Variants in DSCAM observed in about 807,000 individuals in gnomAD.
DSCAM encodes the protein cell adhesion molecule DSCAM.
DSCAM carries 47 observed loss-of-function variants against 217.7 expected under a neutral mutation model. The ratio of observed to expected loss-of-function variants is 0.22; its 90% CI spans 0.17 to 0.28. The LOEUF (loss-of-function observed/expected upper bound fraction) is 0.28. DSCAM is among the 10% of genes least tolerant of loss of function. DSCAM has a pLI of 1.00. For synonymous variants in DSCAM, 1,056 were observed against 1,015.3 expected (o/e 1.04, Z -0.76); for missense variants, 2,080 against 2,618.3 (o/e 0.79, Z 4.49).
chr21:40,287,871 C>T (rs896990577), intron 10 of DSCAM, among the ~76,000 whole-genome samples: 1 of 152,110 alleles, frequency 6.6e-6, no homozygotes, highest in Non-Finnish European at 1.5e-5. Context: ...CCTGTGTGTG[C>T]ACCAAATAAT....
At chr21:40,807,083 A>G (rs1056165759) in intron 1 of DSCAM, among the ~76,000 whole-genome samples, 1 of 150,688 alleles carries the variant, frequency 6.6e-6, no homozygotes, top group African/African-American at 2.5e-5. Context: ...CGTTCTGCAC[A>G]TGTATCCCAG....
chr21:40,228,628 C>A (rs2146918400), intron 11 of DSCAM, among the ~76,000 whole-genome samples: 1 of 150,520 alleles, frequency 6.6e-6, no homozygotes, highest in East Asian at 2.0e-4. Context: ...CTTTCTTTCC[C>A]CCTCCACCTC....
At position 40,731,253 on chromosome 21, in the gene DSCAM, A is replaced by T. The variant is rs376642699; in HGVS notation, c.44-22482T>A. 8.5e-5 allele frequency among the ~76,000 whole-genome samples: 13 copies of T among 152,344 alleles called. No homozygotes were observed. In the East Asian group the frequency reaches 2.3e-3, roughly 27 times the overall value. ...TTTAATGTTTTCATTAGTCACTTAA[A>T]CACAGGTAGTATGATAGGAGTGATA... is the stretch of plus-strand genomic sequence containing the variant. On this transcript the variant is annotated intron_variant, in intron 1 of 32. Transcript: ENST00000400454.
chr21:40,354,477 C>T (rs1170630442), intron 4 of DSCAM, among the ~76,000 whole-genome samples: 1 of 152,074 alleles, frequency 6.6e-6, no homozygotes, highest in Non-Finnish European at 1.5e-5. Flanking sequence ...AAGTGATCCT[C>T]CTGCCTGGGC....
At chr21:40,437,773 C>T (rs2075596368) in intron 3 of DSCAM, among the ~76,000 whole-genome samples, 1 of 152,130 alleles carries the variant, frequency 6.6e-6, no homozygotes, top group Non-Finnish European at 1.5e-5. Context: ...TTACTGGAAC[C>T]TGGGAGGCAG....
At chr21:40,052,898 C>G (rs912308247) in intron 29 of DSCAM, among the ~76,000 whole-genome samples, 2 of 152,122 alleles carry the variant, frequency 1.3e-5, no homozygotes, top group African/African-American at 4.8e-5. Flanking sequence ...ATTTGGTGGG[C>G]CAGGATTCTC....
At position 40,679,532 on chromosome 21, in the gene DSCAM, G is replaced by A. The variant is rs554903089; in HGVS notation, c.508+13278C>T. 2.0e-5 allele frequency among the ~76,000 whole-genome samples: 3 copies of A among 152,268 alleles called. No homozygotes were observed. In the East Asian group the frequency reaches 5.8e-4, roughly 29 times the overall value. Reference sequence around the variant, plus strand: ...AATGGGGTTGTCGAGAAGTTTTTAGGTATAACCTGACATGTGCATGCCATA... The same window carrying A: ...AATGGGGTTGTCGAGAAGTTTTTAGATATAACCTGACATGTGCATGCCATA... On this transcript the variant is annotated intron_variant, in intron 3 of 32. Coordinates refer to ENST00000400454, the MANE Select transcript of DSCAM (RefSeq NM_001389.5).
rs1252993421 is a variant in DSCAM at position 40,338,359 on chromosome 21, G to A, written c.1525C>T (p.Pro509Ser). The A allele has an allele frequency of 2.5e-6, 4 of 1,613,338 alleles. No homozygotes were observed. Among genetic ancestry groups the A allele is most frequent in the Non-Finnish European group, 3.4e-6 (4 of 1,179,276 alleles). ...GCTATTGCTGTGATGTTTTTCATTG[G>A]TCGAATGCTTGCAGGCCCTGGAGAG... Reference protein sequence around the residue: ...INVRGPASIRPMKNITAIAGR... With the variant: ...INVRGPASIRSMKNITAIAGR... Residue 509 changes from proline (P) to serine (S), a missense_variant, in exon 8 of 33, where the codon CCA (proline) becomes TCA (serine). Pro to Ser is a moderately conservative substitution (Grantham distance 74, BLOSUM62 -1). Transcript: ENST00000400454.
chr21:40,743,223 G>C (rs1325141114), intron 1 of DSCAM, among the ~76,000 whole-genome samples: 3 of 152,150 alleles, frequency 2.0e-5, no homozygotes, highest in Admixed American at 2.0e-4. Flanking sequence ...TCCCACAAAT[G>C]AATGCAGCAG....
At chr21:40,429,773 T>C (rs953574451) in intron 3 of DSCAM, among the ~76,000 whole-genome samples, 1 of 152,218 alleles carries the variant, frequency 6.6e-6, no homozygotes, top group Non-Finnish European at 1.5e-5. Flanking sequence ...TGCTGGCTAT[T>C]ATTAAGTACT....
chr21:40,387,303 TAC>T (rs1408725512), intron 3 of DSCAM, among the ~76,000 whole-genome samples: 1 of 149,580 alleles, frequency 6.7e-6, no homozygotes, highest in African/African-American at 2.6e-5. Flanking sequence ...CTGTTAGTCC[TAC>T]ACAAGTCCTA....
chr21:40,301,368 A>G (rs1470551992), intron 9 of DSCAM, among the ~76,000 whole-genome samples: 1 of 152,186 alleles, frequency 6.6e-6, no homozygotes, highest in East Asian at 1.9e-4. Flanking sequence ...GCATTCTGTG[A>G]CATTCTCCTC....
At chr21:40,620,614 G>A (rs1399997414) in intron 3 of DSCAM, among the ~76,000 whole-genome samples, 1 of 152,122 alleles carries the variant, frequency 6.6e-6, no homozygotes, top group African/African-American at 2.4e-5. Context: ...GAGGGAGGCA[G>A]GCAATACCAA....
intron 3 of DSCAM, among the ~76,000 whole-genome samples, chr21:40,540,562 A>G (rs569068979): frequency 6.6e-6 from 1 of 152,310 alleles, no homozygotes; most frequent in Non-Finnish European, 1.5e-5. Flanking sequence ...AAGCTTAGTG[A>G]AGGAGGCAAC....
intron 27 of DSCAM, among the ~76,000 whole-genome samples, chr21:40,071,084 A>G (rs910522859): frequency 3.9e-5 from 6 of 152,172 alleles, no homozygotes; most frequent in African/African-American, 1.4e-4. Context: ...GTACCAAAGG[A>G]GGAGGCTTTT....
intron 11 of DSCAM, among the ~76,000 whole-genome samples, chr21:40,205,629 T>C (rs2091116378): frequency 6.7e-6 from 1 of 150,064 alleles, no homozygotes; most frequent in Non-Finnish European, 1.5e-5. Context: ...AAAAGTGTTC[T>C]CTTGAACACA....
chr21:40,844,110 C>G (rs1012410428), intron 1 of DSCAM, among the ~76,000 whole-genome samples: 8 of 152,128 alleles, frequency 5.3e-5, no homozygotes, highest in African/African-American at 1.9e-4. Flanking sequence ...CAAAATATGA[C>G]AGTTGTTGAC....
intron 3 of DSCAM, among the ~76,000 whole-genome samples, chr21:40,679,260 C>T (rs2090374286): frequency 2.0e-5 from 3 of 152,236 alleles, no homozygotes; most frequent in Admixed American, 1.3e-4. Context: ...ATTCAAGATT[C>T]ACTCCATAAA....
intron 3 of DSCAM, among the ~76,000 whole-genome samples, chr21:40,619,283 A>G (rs2089447834): frequency 6.6e-6 from 1 of 152,182 alleles, no homozygotes; most frequent in Non-Finnish European, 1.5e-5. Context: ...AAATAAGAAT[A>G]AAATATACAC....
Sources: gnomAD v4.1 joint callset for allele counts (sites outside exome capture counted in the v4.1 genomes callset) on GRCh38, gnomAD v4.1.1 for gene constraint, MANE v1.5 for transcripts, NCBI Gene and HGNC (gene_info 2026-07-23, HGNC 2026-07-21) for gene names.